Variants in PBX2 observed in about 807,000 individuals in gnomAD.
The protein encoded by PBX2 is PBX homeobox 2, also known as pre-B-cell leukemia transcription factor 2.
PBX2 carries 10 observed loss-of-function variants against 46.5 expected under a neutral mutation model. The ratio of observed to expected loss-of-function variants is 0.21; its 90% CI spans 0.13 to 0.36. The LOEUF (loss-of-function observed/expected upper bound fraction) is 0.36. Among genes scored for constraint, PBX2 ranks in the 10% least tolerant of loss-of-function variants. PBX2 has a pLI of 1.00. For synonymous variants in PBX2, 160 were observed against 222.5 expected (o/e 0.72, Z 2.50); for missense variants, 392 against 580.5 (o/e 0.68, Z 3.34).
Position 32,186,756 on chromosome 6 carries a change from A to C in PBX2, c.1113+57T>G, listed in dbSNP as rs1437855818. 2.5e-6 allele frequency: 4 copies of C among 1,594,892 alleles called. No homozygotes were observed. Among genetic ancestry groups the C allele is most frequent in the Admixed American group, 1.7e-5 (1 of 59,988 alleles). On this transcript the variant is annotated intron_variant, in intron 7 of 8. Coordinates refer to ENST00000375050, the MANE Select transcript of PBX2 (RefSeq NM_002586.5). This position sits in a 1 kb window ranked among gnomAD's most constrained non-coding sequence, Gnocchi z 4.2. The stretch of plus-strand genomic sequence containing the variant: ...TCAGAGGAAAGAGGTCTTGTATCCT[A>C]AAGTAGAGGAAATGGAGTTGGGGAA...
rs1371082055 is a variant in PBX2, at chr6:32,189,273, G to T, written c.221+422C>A. 6.6e-6 allele frequency among the ~76,000 whole-genome samples: 1 copy of T among 152,012 alleles called. No individual in the cohort carries two copies. The highest frequency in any genetic ancestry group is 1.9e-4 in the East Asian group (1 of 5,176). ...GCTTTGATGCACCTAGTGTCTGGCT[G>T]AGCAGTGGAGAGGAGCTTTAGGGGC... On this transcript the variant is annotated intron_variant, in intron 1 of 8. Coordinates refer to ENST00000375050, the MANE Select transcript of PBX2 (RefSeq NM_002586.5). The surrounding 1 kb of genome is among the most constrained non-coding windows in gnomAD (Gnocchi z 4.7).
In PBX2 at chr6:32,186,092, C is replaced by G; in HGVS notation, c.*290G>C. ...AGAAAGACAGAGGAGAAAAAGGGGTCTGAGAAATAGGTTTCTCGGTATGTG... is the reference window on the plus strand; with the variant it reads ...AGAAAGACAGAGGAGAAAAAGGGGTGTGAGAAATAGGTTTCTCGGTATGTG... On this transcript the variant is annotated 3_prime_UTR_variant, in exon 9 of 9. Coordinates refer to ENST00000375050, the MANE Select transcript of PBX2 (RefSeq NM_002586.5). The surrounding 1 kb of genome is among the most constrained non-coding windows in gnomAD (Gnocchi z 4.2). 1 of 447,336 alleles carries G rather than the reference C, an allele frequency of 2.2e-6. No homozygotes were observed. Among genetic ancestry groups the G allele is most frequent in the Middle Eastern group, 5.9e-4 (1 of 1,706 alleles). 27.7% of individuals were successfully genotyped at this position (447,336 alleles called of 1,614,324 possible).
rs777142076 is a variant in PBX2 at position 32,188,197 on chromosome 6, G to C, written c.544-41C>G. The C allele has an allele frequency of 3.7e-6, 6 of 1,601,930 alleles. No individual in the cohort carries two copies. In the Admixed American group the frequency reaches 5.0e-5, roughly 13 times the overall value. Reference sequence around the variant, plus strand: ...GTGGGCTGGTGAGGAGGAGCCCTTTGACCATGGGATTCCCCTGCAAGAGCC... The same window carrying C: ...GTGGGCTGGTGAGGAGGAGCCCTTTCACCATGGGATTCCCCTGCAAGAGCC... On this transcript the variant is annotated intron_variant, in intron 3 of 8. Transcript: ENST00000375050. The surrounding 1 kb of genome is among the most constrained non-coding windows in gnomAD (Gnocchi z 6.5).
Position 32,186,865 on chromosome 6 carries a change from T to C in PBX2, c.1061A>G (p.Asp354Gly), listed in dbSNP as rs765891438. The change falls in exon 7 of 9, where the codon GAC becomes GGC. Residue 354 changes from aspartate to glycine, a missense_variant. By Grantham distance (94) the Asp-to-Gly change is moderately conservative. Transcript: ENST00000375050. This position sits in a 1 kb window ranked among gnomAD's most constrained non-coding sequence, Gnocchi z 4.2. ...GAGCCCAGGCATCCCCAGAAACATG[T>C]CTCCAGATCCTGAGAGATTGAAAGA... ...GGSFNLSGSG[D>G]MFLGMPGLNG... 7.4e-6 allele frequency: 12 copies of C among 1,613,818 alleles called. No homozygotes were observed. The East Asian group carries it at 2.0e-4, about 27-fold the overall frequency.
Position 32,187,283 on chromosome 6 carries a change from C to A in PBX2, c.983G>T (p.Gly328Val), listed in dbSNP as rs750366628. 2 of 1,612,720 alleles carry A rather than the reference C, an allele frequency of 1.2e-6. No homozygotes were observed. Among genetic ancestry groups the A allele is most frequent in the Non-Finnish European group, 1.7e-6 (2 of 1,179,962 alleles). The change falls in exon 6 of 9, where the codon GGC (glycine) becomes GTC (valine). Residue 328 changes from glycine (G) to valine (V), a missense_variant. By Grantham distance (109) the Gly-to-Val change is moderately radical. Transcript: ENST00000375050. The surrounding 1 kb of genome is among the most constrained non-coding windows in gnomAD (Gnocchi z 7.7). ...VKTAVSVTQG[G>V]HSRTSSPTPP... ...TGTCGGGGAGCTGGTGCGGCTGTGGCCCCCCTGGGTGACTGACACGGCGGT... is the reference window on the plus strand; with the variant it reads ...TGTCGGGGAGCTGGTGCGGCTGTGGACCCCCTGGGTGACTGACACGGCGGT...
chr6:32,188,257 C>T lies in PBX2; in HGVS notation c.543G>A (p.Gln181=), dbSNP rs773111825. 61 of 1,613,632 alleles carry T rather than the reference C, an allele frequency of 3.8e-5. No individual in the cohort carries two copies. The highest frequency in any genetic ancestry group is 5.0e-5 in the Non-Finnish European group (59 of 1,179,938). ...IYHSELEKYE[Q]ACNEFTTHVM... ...ACCCACCCAAGCCTCCTCTCCTTAC[C>T]TGCTCATACTTCTCCAGCTCCGAGT... The change falls in exon 3 of 9, where the codon CAG becomes CAA. Residue 181 remains glutamine, a splice_region_variant and synonymous_variant. Coordinates refer to ENST00000375050, the MANE Select transcript of PBX2 (RefSeq NM_002586.5). This position sits in a 1 kb window ranked among gnomAD's most constrained non-coding sequence, Gnocchi z 6.5.
Position 32,187,155 on chromosome 6 carries a change from T to C in PBX2, c.1024+87A>G. 1 of 1,545,346 alleles carries C rather than the reference T, an allele frequency of 6.5e-7. No individual in the cohort carries two copies. The highest frequency in any genetic ancestry group is 1.1e-5 in the South Asian group (1 of 87,510). ...GTCCCTCTCACCCCAAAAGGCCCCC[T>C]CTCTGCTATGATCCTGCCTAGATAG... On this transcript the variant is annotated intron_variant, in intron 6 of 8. Coordinates refer to ENST00000375050, the MANE Select transcript of PBX2 (RefSeq NM_002586.5). The surrounding 1 kb of genome is among the most constrained non-coding windows in gnomAD (Gnocchi z 7.7).
In PBX2 at chr6:32,189,125, GAC is replaced by G; in HGVS notation, c.222-331_222-330del. ...ACTTGGTAGGTTTCAGAGGGAGAGAGACAGAGGCTGGGGTTGAGAAGAGTCAG... is the reference window on the plus strand; with the variant it reads ...ACTTGGTAGGTTTCAGAGGGAGAGAGAGAGGCTGGGGTTGAGAAGAGTCAG... On this transcript the variant is annotated intron_variant, in intron 1 of 8. Coordinates refer to ENST00000375050, the MANE Select transcript of PBX2 (RefSeq NM_002586.5). The surrounding 1 kb of genome is among the most constrained non-coding windows in gnomAD (Gnocchi z 4.7). 3 of 460,094 alleles carry G rather than the reference GAC, an allele frequency of 6.5e-6. No individual in the cohort carries two copies. The highest frequency in any genetic ancestry group is 3.7e-5 in the East Asian group (1 of 27,070). 28.5% of individuals were successfully genotyped at this position (460,094 alleles called of 1,614,324 possible). A position where few individuals can be genotyped will look rare whatever the true frequency, so the allele number is the denominator to read the frequency against.
rs1255203653 is a variant in PBX2, at chr6:32,189,192, A to C, written c.222-396T>G. ...GAGTGGGGCTGGGGGTGCCGAGCTA[A>C]CTGGGGAGATCAGTGTAGGGTGTGT... is the stretch of plus-strand genomic sequence containing the variant. On this transcript the variant is annotated intron_variant, in intron 1 of 8. Coordinates refer to ENST00000375050, the MANE Select transcript of PBX2 (RefSeq NM_002586.5). The surrounding 1 kb of genome is among the most constrained non-coding windows in gnomAD (Gnocchi z 4.7). 2.9e-6 allele frequency: 1 copy of C among 349,210 alleles called. No homozygotes were observed. Among genetic ancestry groups the C allele is most frequent in the Non-Finnish European group, 5.4e-6 (1 of 184,564 alleles). The allele number at this position is 349,210 out of a possible 1,614,324, so 21.6% of individuals were successfully genotyped here. A position where few individuals can be genotyped will look rare whatever the true frequency, so the allele number is the denominator to read the frequency against.
chr6:32,190,024 C>A lies in PBX2; in HGVS notation c.-109G>T. The A allele has an allele frequency of 1.9e-6, 1 of 523,148 alleles. No individual in the cohort carries two copies. Among genetic ancestry groups the A allele is most frequent in the East Asian group, 3.5e-5 (1 of 28,434 alleles). 32.4% of individuals were successfully genotyped at this position (523,148 alleles called of 1,614,324 possible). ...GCTGCTCCCTCCGCCCCAACCCCCG[C>A]CCGTCTGCCCCCGGCTCCCGGCTCC... is the stretch of plus-strand genomic sequence containing the variant. On this transcript the variant is annotated 5_prime_UTR_variant, in exon 1 of 9. Coordinates refer to ENST00000375050, the MANE Select transcript of PBX2 (RefSeq NM_002586.5).
chr6:32,187,229 C>A lies in PBX2; in HGVS notation c.1024+13G>T, dbSNP rs1200014938. 1.2e-6 allele frequency: 2 copies of A among 1,612,366 alleles called. No homozygotes were observed. The highest frequency in any genetic ancestry group is 2.7e-5 in the African/African-American group (2 of 74,906). On this transcript the variant is annotated intron_variant, in intron 6 of 8. Coordinates refer to ENST00000375050, the MANE Select transcript of PBX2 (RefSeq NM_002586.5). This position sits in a 1 kb window ranked among gnomAD's most constrained non-coding sequence, Gnocchi z 7.7. ...TGTGCAAAACAGTCAGCCGGGGTGA[C>A]AGTGGGATCCACCTGCAGAGGAAGG...
Position 32,186,962 on chromosome 6 carries a change from ACT to A in PBX2, c.1025-63_1025-62del. The A allele has an allele frequency of 7.2e-7, 1 of 1,389,482 alleles. No homozygotes were observed. Among genetic ancestry groups the A allele is most frequent in the Non-Finnish European group, 1.0e-6 (1 of 979,426 alleles). 86.1% of individuals were successfully genotyped at this position (1,389,482 alleles called of 1,614,324 possible). ...CCGTGATGGTAGAGGATGAACCACA[ACT>A]CTCAACTCTTGTGGGGACATGCTAC... On this transcript the variant is annotated intron_variant, in intron 6 of 8. Coordinates refer to ENST00000375050, the MANE Select transcript of PBX2 (RefSeq NM_002586.5). This position sits in a 1 kb window ranked among gnomAD's most constrained non-coding sequence, Gnocchi z 4.2.
rs1474111510 is a variant in PBX2, at chr6:32,188,511, T to A, written c.296-7A>T. ...GAGCTCCGAATGCTGAGGCCTAGCA[T>A]GCAGGCGAGTGGACTTAGGGACCCA... On this transcript the variant is annotated splice_polypyrimidine_tract_variant and splice_region_variant and intron_variant, in intron 2 of 8. Coordinates refer to ENST00000375050, the MANE Select transcript of PBX2 (RefSeq NM_002586.5). This position sits in a 1 kb window ranked among gnomAD's most constrained non-coding sequence, Gnocchi z 6.5. 1 of 1,612,806 alleles carries A rather than the reference T, an allele frequency of 6.2e-7. No individual in the cohort carries two copies. Among genetic ancestry groups the A allele is most frequent in the African/African-American group, 1.3e-5 (1 of 74,868 alleles).
chr6:32,188,049 T>G lies in PBX2; in HGVS notation c.651A>C (p.Arg217=), dbSNP rs1416110119. ...EMERMVSIIH[R]KFSAIQMQLK... The stretch of plus-strand genomic sequence containing the variant: ...GCTGCATCTGGATGGCGCTGAACTT[T>G]CGATGGATGATGCTCACCATGCGTT... Residue 217 remains arginine (R), a synonymous_variant, in exon 4 of 9, where the codon CGA becomes CGC. Coordinates refer to ENST00000375050, the MANE Select transcript of PBX2 (RefSeq NM_002586.5). This position sits in a 1 kb window ranked among gnomAD's most constrained non-coding sequence, Gnocchi z 6.5. The G allele has an allele frequency of 1.9e-6, 3 of 1,595,482 alleles. No individual in the cohort carries two copies. Among genetic ancestry groups the G allele is most frequent in the Admixed American group, 3.5e-5 (2 of 57,742 alleles).
In PBX2 at chr6:32,188,703, T is replaced by TC; in HGVS notation, c.295+19dup. On this transcript the variant is annotated intron_variant, in intron 2 of 8. Coordinates refer to ENST00000375050, the MANE Select transcript of PBX2 (RefSeq NM_002586.5). The surrounding 1 kb of genome is among the most constrained non-coding windows in gnomAD (Gnocchi z 6.5). Reference sequence around the variant, plus strand: ...GGGTTCTGTTCCCAGAGTTGAGCAATCCGGGGGGGGCCCACATACCAGTTT... The same window carrying TC: ...GGGTTCTGTTCCCAGAGTTGAGCAATCCCGGGGGGGGCCCACATACCAGTTT... The TC allele has an allele frequency of 5.0e-6, 8 of 1,610,248 alleles. No individual in the cohort carries two copies. The highest frequency in any genetic ancestry group is 2.7e-5 in the African/African-American group (2 of 74,666).
Position 32,189,013 on chromosome 6 carries a change from A to G in PBX2, c.222-217T>C. On this transcript the variant is annotated intron_variant, in intron 1 of 8. Transcript: ENST00000375050. The surrounding 1 kb of genome is among the most constrained non-coding windows in gnomAD (Gnocchi z 4.7). Reference sequence around the variant, plus strand: ...CTTCAGGGAGACACAGGGAAGATGCAGGCAGCAGGTTAAAGGCTGCGGGCT... The same window carrying G: ...CTTCAGGGAGACACAGGGAAGATGCGGGCAGCAGGTTAAAGGCTGCGGGCT... 1.7e-6 allele frequency: 1 copy of G among 576,200 alleles called. No individual in the cohort carries two copies. Among genetic ancestry groups the G allele is most frequent in the South Asian group, 2.2e-5 (1 of 45,688 alleles). The allele number at this position is 576,200 out of a possible 1,614,324, so 35.7% of individuals were successfully genotyped here.
Position 32,187,148 on chromosome 6 carries a change from G to C in PBX2, c.1024+94C>G, listed in dbSNP as rs1473164316. ...CAGCTCGGTCCCTCTCACCCCAAAA[G>C]GCCCCCTCTCTGCTATGATCCTGCC... On this transcript the variant is annotated intron_variant, in intron 6 of 8. Coordinates refer to ENST00000375050, the MANE Select transcript of PBX2 (RefSeq NM_002586.5). The surrounding 1 kb of genome is among the most constrained non-coding windows in gnomAD (Gnocchi z 7.7). 1.3e-6 allele frequency: 2 copies of C among 1,493,364 alleles called. No homozygotes were observed. Among genetic ancestry groups the C allele is most frequent in the East Asian group, 4.6e-5 (2 of 43,156 alleles). The allele number at this position is 1,493,364 out of a possible 1,614,324, so 92.5% of individuals were successfully genotyped here. A position where few individuals can be genotyped will look rare whatever the true frequency, so the allele number is the denominator to read the frequency against.
Position 32,185,375 on chromosome 6 carries a change from G to T in PBX2, c.*1007C>A, listed in dbSNP as rs764317757. ...GCCTGCATGAACAAAGAACACCTAA[G>T]GGATTTTAGGGGGCAAAGCTTGGTG... On this transcript the variant is annotated 3_prime_UTR_variant, in exon 9 of 9. Coordinates refer to ENST00000375050, the MANE Select transcript of PBX2 (RefSeq NM_002586.5). 3.9e-5 allele frequency: 6 copies of T among 152,208 alleles called. No individual in the cohort carries two copies. In the South Asian group the frequency reaches 8.3e-4, roughly 21 times the overall value. 9.4% of individuals were successfully genotyped at this position (152,208 alleles called of 1,614,324 possible).
Position 32,188,550 on chromosome 6 carries a change from C to A in PBX2, c.296-46G>T. On this transcript the variant is annotated intron_variant, in intron 2 of 8. Coordinates refer to ENST00000375050, the MANE Select transcript of PBX2 (RefSeq NM_002586.5). This position sits in a 1 kb window ranked among gnomAD's most constrained non-coding sequence, Gnocchi z 6.5. ...CTTAGGGACCCAGAGACCCCAATACCCAGTGCTCAGTCCTCCTGGTGCTTC... is the reference window on the plus strand; with the variant it reads ...CTTAGGGACCCAGAGACCCCAATACACAGTGCTCAGTCCTCCTGGTGCTTC... 6.2e-7 allele frequency: 1 copy of A among 1,600,432 alleles called. No homozygotes were observed. The highest frequency in any genetic ancestry group is 1.1e-5 in the South Asian group (1 of 90,028).
Sources: allele counts gnomAD v4.1 joint callset (sites outside exome capture counted in the v4.1 genomes callset), GRCh38; gene constraint gnomAD v4.1.1; non-coding constraint Gnocchi (gnomAD v3.1); transcripts MANE v1.5; gene names NCBI Gene and HGNC (gene_info 2026-07-23, HGNC 2026-07-21).